DUXA: variants seen among roughly 807,000 people sequenced by gnomAD.
DUXA encodes double homeobox protein A.
A neutral mutation model predicts 27.5 loss-of-function variants in DUXA; 25 were observed. That is an observed-to-expected ratio of 0.91 (90% CI 0.66 to 1.27). DUXA has a LOEUF of 1.27. Ranked by LOEUF, DUXA falls within the 50% of genes most tolerant of loss-of-function variation. DUXA has a pLI of 0.00. For missense variants in DUXA, 247 were observed against 242.9 expected (o/e 1.02, Z -0.11); for synonymous variants, 90 against 80.5 (o/e 1.12, Z -0.63).
Position 57,161,440 on chromosome 19 carries a change from GA to G in DUXA, c.26-644del, listed in dbSNP as rs1568464342. On this transcript the variant is annotated intron_variant, in intron 1 of 5. Coordinates refer to ENST00000554048, the MANE Select transcript of DUXA (RefSeq NM_001012729.2). ...AGATCGAGACCATCCTGGCTAACAT[GA>G]TGAAACCCCGTCTCTACTAAAAATA... Among the ~76,000 whole-genome samples the G allele has an allele frequency of 1.7e-3, 253 of 147,414 alleles. 3 individuals carry two copies. The highest frequency in any genetic ancestry group is 5.1e-3 in the African/African-American group (198 of 39,194).
At chr19:57,158,197 A>C in intron 4 of DUXA, 131 bp downstream of exon 4, 1 of 1,037,362 alleles carries the variant, frequency 9.6e-7, no homozygotes, top group South Asian at 1.5e-5. Flanking sequence ...AGAAGCCAGC[A>C]GACAGGGAAC....
At chr19:57,159,378 C>CAATA in intron 2 of DUXA, 100 bp from the exon 3 acceptor site, 6 of 1,050,624 alleles carry the variant, frequency 5.7e-6, no homozygotes, top group Non-Finnish European at 8.3e-6. Flanking sequence ...GGCCTAGGCC[C>CAATA]AGGATTATTA....
At position 57,154,194 on chromosome 19, in the gene DUXA, T is replaced by C; in HGVS notation, c.*218A>G. 1 of 502,976 alleles carries C rather than the reference T, an allele frequency of 2.0e-6. No homozygotes were observed. The highest frequency in any genetic ancestry group is 3.6e-6 in the Non-Finnish European group (1 of 276,362). 31.2% of individuals were successfully genotyped at this position (502,976 alleles called of 1,614,324 possible). On this transcript the variant is annotated 3_prime_UTR_variant, in exon 6 of 6. Coordinates refer to ENST00000554048, the MANE Select transcript of DUXA (RefSeq NM_001012729.2). ...AGAGGCAGAGTCTTGCTATATGTTG[T>C]CCAGGCTGGTTTCAAACTCCTGAGC...
intron 1 of DUXA, among the ~76,000 whole-genome samples, chr19:57,162,644 G>A (rs1258306477): frequency 3.9e-5 from 6 of 151,944 alleles, no homozygotes; most frequent in African/African-American, 9.7e-5. Context: ...GTGCAGTCTC[G>A]GCTCACTGCA....
In DUXA at chr19:57,154,164, A is replaced by G. The variant is rs2086978749; in HGVS notation, c.*248T>C. 2.5e-6 allele frequency: 1 copy of G among 392,380 alleles called. No homozygotes were observed. 24.3% of individuals were successfully genotyped at this position (392,380 alleles called of 1,614,324 possible). A position where few individuals can be genotyped will look rare whatever the true frequency, so the allele number is the denominator to read the frequency against. On this transcript the variant is annotated 3_prime_UTR_variant, in exon 6 of 6. Coordinates refer to ENST00000554048, the MANE Select transcript of DUXA (RefSeq NM_001012729.2). The stretch of plus-strand genomic sequence containing the variant: ...TCCTTTTCATTTATTTTGTTTTTTT[A>G]TAATAGAGGCAGAGTCTTGCTATAT...
chr19:57,163,655 G>C (rs2087036043), intron 1 of DUXA, among the ~76,000 whole-genome samples: 1 of 151,884 alleles, frequency 6.6e-6, no homozygotes, highest in African/African-American at 2.4e-5. Flanking sequence ...CGTAGGCCAG[G>C]CTGGTCTGGA....
chr19:57,166,378 C>T (rs1250200662), intron 1 of DUXA, among the ~76,000 whole-genome samples: 1 of 152,180 alleles, frequency 6.6e-6, no homozygotes, highest in Non-Finnish European at 1.5e-5. Flanking sequence ...GGCATGATCA[C>T]GGCTCACTGC....
chr19:57,156,413 T>C (rs935157499), intron 4 of DUXA, among the ~76,000 whole-genome samples: 3 of 152,186 alleles, frequency 2.0e-5, no homozygotes, highest in Admixed American at 1.3e-4. Context: ...GCAGCTACTA[T>C]ATTTTTGAGA....
chr19:57,164,511 G>C (rs1431060341), intron 1 of DUXA, among the ~76,000 whole-genome samples: 1 of 152,046 alleles, frequency 6.6e-6, no homozygotes, highest in Non-Finnish European at 1.5e-5. Flanking sequence ...GGAGGCAGAG[G>C]TTGCAGTGAG....
At chr19:57,161,176 T>A (rs1568464173) in intron 1 of DUXA, among the ~76,000 whole-genome samples, 1 of 151,188 alleles carries the variant, frequency 6.6e-6, no homozygotes, top group Non-Finnish European at 1.5e-5. Flanking sequence ...ATACAAAAAA[T>A]TAGCCAGTCG....
At chr19:57,167,013 T>C (rs2087058414) in intron 1 of DUXA, among the ~76,000 whole-genome samples, 1 of 152,148 alleles carries the variant, frequency 6.6e-6, no homozygotes, top group South Asian at 2.1e-4. Context: ...AGTTCAAACA[T>C]TCTGTAGAGA....
intron 3 of DUXA, among the ~76,000 whole-genome samples, chr19:57,158,909 G>A (rs2087006168): frequency 6.6e-6 from 1 of 152,114 alleles, no homozygotes; most frequent in African/African-American, 2.4e-5. Flanking sequence ...GCTTGAACCT[G>A]GGAGGCAGAG....
chr19:57,158,930 G>C (rs2122691645), intron 3 of DUXA, among the ~76,000 whole-genome samples: 1 of 152,256 alleles, frequency 6.6e-6, no homozygotes, highest in Middle Eastern at 3.4e-3. Context: ...GTTGTAGTGA[G>C]CCAAGATCAA....
intron 1 of DUXA, among the ~76,000 whole-genome samples, chr19:57,163,204 T>G (rs191858229): frequency 6.6e-6 from 1 of 152,242 alleles, no homozygotes; most frequent in African/African-American, 2.4e-5. Context: ...ATCACCTTGC[T>G]CAGGTCTCAG....
At chr19:57,154,994 C>T (rs1347190391) in intron 5 of DUXA, among the ~76,000 whole-genome samples, 1 of 152,210 alleles carries the variant, frequency 6.6e-6, no homozygotes, top group Non-Finnish European at 1.5e-5. Flanking sequence ...GTGTATTGAG[C>T]GTTTCCTTTG....
intron 2 of DUXA, among the ~76,000 whole-genome samples, chr19:57,160,216 G>A (rs888744864): frequency 6.6e-6 from 1 of 152,054 alleles, no homozygotes; most frequent in Non-Finnish European, 1.5e-5. Flanking sequence ...AGCCTTGATT[G>A]TGCCCCTGCA....
intron 1 of DUXA, among the ~76,000 whole-genome samples, chr19:57,161,429 C>T (rs1333211219): frequency 2.7e-5 from 4 of 149,680 alleles, no homozygotes; most frequent in African/African-American, 1.0e-4. Flanking sequence ...CGAGACCATC[C>T]TGGCTAACAT....
chr19:57,160,218 G>A (rs2087013722), intron 2 of DUXA, among the ~76,000 whole-genome samples: 1 of 152,094 alleles, frequency 6.6e-6, no homozygotes, highest in South Asian at 2.1e-4. Context: ...CCTTGATTGT[G>A]CCCCTGCACT....
intron 5 of DUXA, 150 bp from the exon 6 acceptor site, chr19:57,154,632 C>T (rs532518680): frequency 6.9e-4 from 385 of 556,278 alleles, no homozygotes; most frequent in African/African-American, 6.4e-3. Context: ...GGCGCGATCT[C>T]GGCTCACTGC....
Sources: gnomAD v4.1 joint callset for allele counts (sites outside exome capture counted in the v4.1 genomes callset) on GRCh38, gnomAD v4.1.1 for gene constraint, MANE v1.5 for transcripts, NCBI Gene and HGNC (gene_info 2026-07-23, HGNC 2026-07-21) for gene names.